MAN2B2: variants seen among roughly 807,000 people sequenced by gnomAD.
MAN2B2 encodes epididymis-specific alpha-mannosidase.
In MAN2B2, 106 loss-of-function variants were observed where a neutral mutation model predicts 117.1. That is an observed-to-expected ratio of 0.90 (90% CI 0.77 to 1.06). MAN2B2 has a LOEUF of 1.06. Among genes scored for constraint, MAN2B2 ranks in the 50% least tolerant of loss-of-function variants. MAN2B2 has a pLI of 0.00. For synonymous variants in MAN2B2, 544 were observed against 595.1 expected, an observed-to-expected ratio of 0.91 and a Z score of 1.25; for missense variants, 1,326 against 1,381.4, an observed-to-expected ratio of 0.96 and a Z score of 0.64.
intron 3 of MAN2B2, among the ~76,000 whole-genome samples, chr4:6,583,501 T>C (rs1164120773): frequency 6.6e-6 from 1 of 152,182 alleles, no homozygotes; most frequent in Non-Finnish European, 1.5e-5. Flanking sequence ...CCCTGAAGTC[T>C]CAGGAATGCT....
intron 9 of MAN2B2, 104 bp downstream of exon 9, chr4:6,598,458 ATCACCCATATCGCCC>A: frequency 8.1e-7 from 1 of 1,232,506 alleles, no homozygotes; most frequent in South Asian, 1.5e-5. Flanking sequence ...CTGAGTCCAC[ATCACCCATATCGCCC>A]TTCCCCATGG....
chr4:6,597,543 G>T (rs1488150888), intron 8 of MAN2B2, among the ~76,000 whole-genome samples: 1 of 152,228 alleles, frequency 6.6e-6, no homozygotes, highest in Non-Finnish European at 1.5e-5. Context: ...TTAGCAAAAG[G>T]GATAAAGGAC....
chr4:6,578,001 C>T (rs149799987), intron 2 of MAN2B2, among the ~76,000 whole-genome samples: 2 of 152,112 alleles, frequency 1.3e-5, no homozygotes, highest in Non-Finnish European at 2.9e-5. Flanking sequence ...TGTGTAGTGT[C>T]TAGGGCAACA....
chr4:6,587,750 G>GTT (rs201846526), intron 4 of MAN2B2, among the ~76,000 whole-genome samples: 468 of 113,388 alleles, frequency 4.1e-3, no homozygotes, highest in Middle Eastern at 0.013. Context: ...TTGGGTTGTT[G>GTT]TTTTTTTTTT....
chr4:6,598,276 A>G lies in MAN2B2; in HGVS notation c.1327A>G (p.Met443Val), dbSNP rs1423860657. ...DMYATHLASG[M>V]LGMRKLMASI... ...GTACGCAACGCACCTGGCCTCGGGG[A>G]TGCTGGGCATGCGCAAGCTGATGGC... Residue 443 changes from methionine (M) to valine (V), a missense_variant, in exon 9 of 19, where the codon ATG (methionine) becomes GTG (valine). By Grantham distance (21) the Met-to-Val change is conservative. Transcript: ENST00000285599. 39 of 1,613,550 alleles carry G rather than the reference A, an allele frequency of 2.4e-5. No individual in the cohort carries two copies. The highest frequency in any genetic ancestry group is 3.0e-5 in the Non-Finnish European group (35 of 1,180,028).
chr4:6,580,532 G>A (rs780185825), intron 3 of MAN2B2, among the ~76,000 whole-genome samples: 67 of 152,180 alleles, frequency 4.4e-4, no homozygotes, highest in Admixed American at 7.2e-4. Context: ...AGGCTCTGGG[G>A]CTGTTTCTCA....
chr4:6,587,725 G>T (rs1577276752), intron 4 of MAN2B2, among the ~76,000 whole-genome samples: 1 of 144,610 alleles, frequency 6.9e-6, no homozygotes, highest in Non-Finnish European at 1.5e-5. Context: ...TGTTTTTTGG[G>T]TTTTTTGGGG....
In MAN2B2 at chr4:6,621,398, C is replaced by A; in HGVS notation, c.*113C>A. 1.3e-6 allele frequency: 1 copy of A among 752,030 alleles called. No homozygotes were observed. Among genetic ancestry groups the A allele is most frequent in the South Asian group, 2.0e-5 (1 of 48,808 alleles). The allele number at this position is 752,030 out of a possible 1,614,324, so 46.6% of individuals were successfully genotyped here. On this transcript the variant is annotated 3_prime_UTR_variant, in exon 19 of 19. Coordinates refer to ENST00000285599, the MANE Select transcript of MAN2B2 (RefSeq NM_015274.3). ...GGATGGGACTGGGGAGTCAGCTGCT[C>A]ATCTGCAGGCTAATGGCAGGAAATG...
intron 13 of MAN2B2, 24 bp downstream of exon 13, chr4:6,610,074 G>A (rs1727710805): frequency 6.2e-7 from 1 of 1,612,478 alleles, no homozygotes; most frequent in Non-Finnish European, 8.5e-7. Context: ...TGCCCACAAG[G>A]CACGCTCCCA....
rs201627817 is a variant in MAN2B2 at position 6,579,325 on chromosome 4, C to T, written c.391+827C>T. Among the ~76,000 whole-genome samples, 429 of 56,952 alleles carry T rather than the reference C, an allele frequency of 7.5e-3. 7 individuals carry two copies. The highest frequency in any genetic ancestry group is 0.012 in the Admixed American group (56 of 4,620). The allele number at this position is 56,952 out of a possible 152,430, so 37.4% of individuals were successfully genotyped here. Reference sequence around the variant, plus strand: ...ATCACCACCACCACCACCATCACCACCACCACCACCACCACCATCACCATC... The same window carrying T: ...ATCACCACCACCACCACCATCACCATCACCACCACCACCACCATCACCATC... On this transcript the variant is annotated intron_variant, in intron 3 of 18. Coordinates refer to ENST00000285599, the MANE Select transcript of MAN2B2 (RefSeq NM_015274.3).
intron 5 of MAN2B2, among the ~76,000 whole-genome samples, chr4:6,590,466 C>A (rs77050501): frequency 0.014 from 2,103 of 152,212 alleles, 24 homozygotes; most frequent in Non-Finnish European, 0.023. Flanking sequence ...GACAGGTCCC[C>A]TTCTGCTCTC....
In MAN2B2 at chr4:6,576,769, A is replaced by G. The variant is rs199799298; in HGVS notation, c.285+45A>G. ...ACACAGTTGGCCCAGTATCCTGGCA[A>G]AGACCCAGGTGGAAAACTCAATGGG... On this transcript the variant is annotated intron_variant, in intron 2 of 18. Coordinates refer to ENST00000285599, the MANE Select transcript of MAN2B2 (RefSeq NM_015274.3). The G allele has an allele frequency of 3.9e-3, 6,227 of 1,604,880 alleles. 27 individuals carry two copies. The highest frequency in any genetic ancestry group is 5.8e-3 in the Middle Eastern group (35 of 6,042).
intron 4 of MAN2B2, among the ~76,000 whole-genome samples, chr4:6,587,697 T>A (rs1176133072): frequency 1.3e-5 from 2 of 152,044 alleles, no homozygotes; most frequent in African/African-American, 4.8e-5. Context: ...TCATTTCTTT[T>A]TCTTTTCTTT....
chr4:6,596,989 C>T, intron 7 of MAN2B2, 124 bp from the exon 8 acceptor site: 1 of 954,686 alleles, frequency 1.0e-6, no homozygotes, highest in Non-Finnish European at 1.6e-6. Flanking sequence ...CCCGGCCTGC[C>T]TCCTTGGGTG....
intron 16 of MAN2B2, among the ~76,000 whole-genome samples, chr4:6,615,036 C>T (rs1284589608): frequency 2.0e-5 from 3 of 152,242 alleles, no homozygotes; most frequent in African/African-American, 7.2e-5. Context: ...AGTGGAAAGG[C>T]AGGGTCAGAC....
chr4:6,575,971 C>T (rs943241080), intron 1 of MAN2B2, among the ~76,000 whole-genome samples: 7 of 152,186 alleles, frequency 4.6e-5, no homozygotes, highest in African/African-American at 1.7e-4. Flanking sequence ...CCTCATGCCT[C>T]CTGACTCCCT....
intron 1 of MAN2B2, 24 bp from the exon 2 acceptor site, chr4:6,576,554 G>A (rs1238485951): frequency 1.2e-6 from 2 of 1,603,496 alleles, no homozygotes; most frequent in Middle Eastern, 1.8e-4. Context: ...GACCGGGGCT[G>A]GCATGATGCT....
intron 15 of MAN2B2, among the ~76,000 whole-genome samples, chr4:6,611,995 G>C (rs1194030428): frequency 6.6e-6 from 1 of 152,236 alleles, no homozygotes; most frequent in Non-Finnish European, 1.5e-5. Flanking sequence ...TACATTTAAA[G>C]ATGGTCTTTT....
intron 9 of MAN2B2, among the ~76,000 whole-genome samples, chr4:6,599,527 G>A (rs1448684706): frequency 2.0e-5 from 3 of 152,120 alleles, no homozygotes; most frequent in East Asian, 1.9e-4. Flanking sequence ...AGCCGGGTGT[G>A]GTGGCGGGCG....
Sources: allele counts gnomAD v4.1 joint callset (sites outside exome capture counted in the v4.1 genomes callset), GRCh38; gene constraint gnomAD v4.1.1; transcripts MANE v1.5; gene names NCBI Gene and HGNC (gene_info 2026-07-23, HGNC 2026-07-21).